Variants in GRID2 observed in about 807,000 individuals in gnomAD.
GRID2 encodes the protein glutamate ionotropic receptor delta type subunit 2.
Under a neutral mutation model 114.8 loss-of-function variants are expected in GRID2, and 33 were observed. The observed-to-expected ratio is 0.29, with a 90% confidence interval of 0.22 to 0.38. The LOEUF is 0.38. Ranked by LOEUF, GRID2 falls within the 10% of genes least tolerant of loss-of-function variation. The pLI is 1.00. For synonymous variants in GRID2, 505 were observed against 449.9 expected (o/e 1.12, Z -1.55); for missense variants, 1,184 against 1,257.7 (o/e 0.94, Z 0.89).
intron 9 of GRID2, among the ~76,000 whole-genome samples, chr4:93,414,706 T>TATATATATATATATATATA (rs1560595949): frequency 4.0e-5 from 6 of 149,696 alleles, no homozygotes; most frequent in Admixed American, 6.6e-5. Flanking sequence ...TATATATATA[T>TATATATATATATATATATA]TTCCTTTTTT....
chr4:93,335,389 T>C (rs1758947917), intron 8 of GRID2, among the ~76,000 whole-genome samples: 1 of 152,168 alleles, frequency 6.6e-6, no homozygotes, highest in African/African-American at 2.4e-5. Flanking sequence ...CTAGGCACCC[T>C]TGATTACACA....
chr4:93,009,959 C>G (rs988981573), intron 2 of GRID2, among the ~76,000 whole-genome samples: 1 of 152,106 alleles, frequency 6.6e-6, no homozygotes, highest in East Asian at 1.9e-4. Context: ...ATTTTGGCCT[C>G]TTTCTGTCCA....
intron 2 of GRID2, among the ~76,000 whole-genome samples, chr4:92,679,534 A>G (rs1345626949): frequency 1.3e-5 from 2 of 152,048 alleles, no homozygotes; most frequent in Non-Finnish European, 2.9e-5. Context: ...TATTCAACCT[A>G]TTTTTAACAC....
intron 2 of GRID2, among the ~76,000 whole-genome samples, chr4:92,699,819 C>T (rs1428239139): frequency 3.3e-5 from 5 of 152,172 alleles, no homozygotes; most frequent in African/African-American, 1.2e-4. Context: ...ATATTATCTT[C>T]TCAGATTTAT....
intron 13 of GRID2, among the ~76,000 whole-genome samples, chr4:93,547,528 T>G (rs1194341736): frequency 6.6e-6 from 1 of 152,236 alleles, no homozygotes; most frequent in Non-Finnish European, 1.5e-5. Flanking sequence ...ACTTCACGAA[T>G]GTAAAACAGT....
At chr4:92,438,347 G>A (rs1329279440) in intron 1 of GRID2, among the ~76,000 whole-genome samples, 2 of 151,926 alleles carry the variant, frequency 1.3e-5, no homozygotes, top group African/African-American at 2.4e-5. Context: ...CAGGAATCTC[G>A]GAGCACATAT....
At chr4:93,161,642 C>T (rs1406335946) in intron 4 of GRID2, among the ~76,000 whole-genome samples, 1 of 151,728 alleles carries the variant, frequency 6.6e-6, no homozygotes. Context: ...CCAGACTCAA[C>T]ACTAAGATTT....
intron 8 of GRID2, among the ~76,000 whole-genome samples, chr4:93,334,404 G>A (rs1758817394): frequency 1.3e-5 from 2 of 151,920 alleles, no homozygotes; most frequent in African/African-American, 4.8e-5. Context: ...CGCACTTTTT[G>A]TGCAGCATCT....
intron 2 of GRID2, chr4:92,822,342 T>C (rs922171522): frequency 1.6e-6 from 1 of 628,226 alleles, no homozygotes; most frequent in Non-Finnish European, 3.1e-6. Flanking sequence ...ACAGTCACAG[T>C]GTTCAGATGG....
intron 4 of GRID2, among the ~76,000 whole-genome samples, chr4:93,167,432 T>G (rs1738357622): frequency 1.3e-5 from 2 of 152,174 alleles, no homozygotes; most frequent in African/African-American, 4.8e-5. Context: ...CTTAGTTATT[T>G]TAGTAGTTCT....
chr4:92,820,025 A>T (rs1741171034), intron 2 of GRID2, among the ~76,000 whole-genome samples: 1 of 152,152 alleles, frequency 6.6e-6, no homozygotes, highest in Admixed American at 6.6e-5. Flanking sequence ...CATTTTTGAA[A>T]GACACTGTCT....
chr4:92,598,743 T>G (rs577716661), intron 2 of GRID2, among the ~76,000 whole-genome samples: 4 of 152,210 alleles, frequency 2.6e-5, no homozygotes, highest in Non-Finnish European at 5.9e-5. Flanking sequence ...TATATGGGAT[T>G]GTAAATATGG....
intron 1 of GRID2, among the ~76,000 whole-genome samples, chr4:92,445,924 T>G (rs553223385): frequency 6.6e-6 from 1 of 152,286 alleles, no homozygotes; most frequent in Non-Finnish European, 1.5e-5. Context: ...CTAAAATCAG[T>G]ATAAAACTCT....
At chr4:92,449,711 A>ATATATATG (rs1466326075) in intron 1 of GRID2, among the ~76,000 whole-genome samples, 57 of 130,134 alleles carry the variant, frequency 4.4e-4, no homozygotes, top group African/African-American at 1.6e-3. Flanking sequence ...ATATATATAT[A>ATATATATG]ACACTTAAGC....
At chr4:93,559,901 A>G (rs1342581530) in intron 13 of GRID2, among the ~76,000 whole-genome samples, 3 of 152,148 alleles carry the variant, frequency 2.0e-5, no homozygotes, top group East Asian at 1.9e-4. Flanking sequence ...ATGCAGCCAT[A>G]AAAAAGGATG....
intron 10 of GRID2, among the ~76,000 whole-genome samples, chr4:93,442,698 C>A (rs1721734440): frequency 6.6e-6 from 1 of 152,002 alleles, no homozygotes; most frequent in South Asian, 2.1e-4. Context: ...TTTTGGTGGA[C>A]TCATCCCATC....
chr4:92,600,046 A>C (rs12649140), intron 2 of GRID2, among the ~76,000 whole-genome samples: 1 of 24,152 alleles, frequency 4.1e-5, no homozygotes, highest in Non-Finnish European at 9.6e-5. Context: ...GTGTGTGTGT[A>C]TATATATATA....
At chr4:93,407,422 T>C (rs1458172845) in intron 9 of GRID2, among the ~76,000 whole-genome samples, 1 of 152,146 alleles carries the variant, frequency 6.6e-6, no homozygotes, top group Admixed American at 6.5e-5. Flanking sequence ...TAATATACTT[T>C]TTTATAATAT....
At chr4:92,685,437 T>A (rs72663510) in intron 2 of GRID2, among the ~76,000 whole-genome samples, 10,598 of 152,048 alleles carry the variant, frequency 0.07, 424 homozygotes, top group East Asian at 0.088. Flanking sequence ...TGTGCTGGAA[T>A]CCTGACAGAT....
Sources: allele counts gnomAD v4.1 joint callset (sites outside exome capture counted in the v4.1 genomes callset), GRCh38; gene constraint gnomAD v4.1.1; transcripts MANE v1.5; gene names NCBI Gene and HGNC (gene_info 2026-07-23, HGNC 2026-07-21).